Variants in SCARF1 observed in about 807,000 individuals in gnomAD.
SCARF1 encodes scavenger receptor class F member 1.
A neutral mutation model predicts 76.3 loss-of-function variants in SCARF1; 49 were observed. That is an observed-to-expected ratio of 0.64 (90% confidence interval 0.51 to 0.81). The LOEUF is 0.81. Ranked by LOEUF, SCARF1 falls within the 40% of genes least tolerant of loss-of-function variation. SCARF1 has a pLI of 0.00. For synonymous variants in SCARF1, 495 were observed against 474.6 expected, an observed-to-expected ratio of 1.04 and a Z score of -0.56; for missense variants, 1,098 against 1,143.9, an observed-to-expected ratio of 0.96 and a Z score of 0.58.
At chr17:1,635,769 C>A in intron 10 of SCARF1, 152 bp from the exon 11 acceptor site, 3 of 806,190 alleles carry the variant, frequency 3.7e-6, no homozygotes, top group Non-Finnish European at 5.6e-6. Context: ...TTCAGGTAGA[C>A]ACTGTTACTT....
chr17:1,642,216 G>A (rs186669865), intron 4 of SCARF1, among the ~76,000 whole-genome samples: 1,961 of 150,906 alleles, frequency 0.013, 24 homozygotes, highest in Non-Finnish European at 0.022. Context: ...TAAGTTTTAG[G>A]GTACATGTGC....
In SCARF1 at chr17:1,643,637, GA is replaced by G; in HGVS notation, c.595del (p.Ser199ProfsTer168). On this transcript the variant is annotated frameshift_variant, in exon 4 of 11. Coordinates refer to ENST00000263071, the MANE Select transcript of SCARF1 (RefSeq NM_003693.4). LOFTEE classifies it high-confidence loss of function. ...GCGGCCGGAGTCCTGCTCGCACGGG[GA>G]GCCGTGGCAGTTGCAGCGGAAGCTG... is the stretch of plus-strand genomic sequence containing the variant. ...RCSFRCNCHG[S>X]PCEQDSGRCA... 1 of 1,472,934 alleles carries G rather than the reference GA, an allele frequency of 6.8e-7. No individual in the cohort carries two copies. The highest frequency in any genetic ancestry group is 2.4e-5 in the Admixed American group (1 of 41,832). The allele number at this position is 1,472,934 out of a possible 1,614,324, so 91.2% of individuals were successfully genotyped here. A position where few individuals can be genotyped will look rare whatever the true frequency, so the allele number is the denominator to read the frequency against.
In SCARF1 at chr17:1,644,516, T is replaced by G; in HGVS notation, c.265+318A>C. 10 of 434,532 alleles carry G rather than the reference T, an allele frequency of 2.3e-5. No individual in the cohort carries two copies. Among genetic ancestry groups the G allele is most frequent in the Non-Finnish European group, 2.9e-5 (7 of 239,888 alleles). 26.9% of individuals were successfully genotyped at this position (434,532 alleles called of 1,614,324 possible). A position where few individuals can be genotyped will look rare whatever the true frequency, so the allele number is the denominator to read the frequency against. On this transcript the variant is annotated intron_variant, in intron 3 of 10. Transcript: ENST00000263071. The surrounding 1 kb of genome is among the most constrained non-coding windows in gnomAD (Gnocchi z 4.8). ...GGGGCCCCCTTCCATCCACTGCCCATGTATAAGGTATATGTGGGAAAGGCA... is the reference window on the plus strand; with the variant it reads ...GGGGCCCCCTTCCATCCACTGCCCAGGTATAAGGTATATGTGGGAAAGGCA...
chr17:1,637,474 C>G (rs1420937292), intron 8 of SCARF1, among the ~76,000 whole-genome samples: 1 of 151,970 alleles, frequency 6.6e-6, no homozygotes, highest in East Asian at 1.9e-4. Flanking sequence ...CTCTCTCTCT[C>G]TCTCTCTCTA....
In SCARF1 at chr17:1,635,345, TG is replaced by T; in HGVS notation, c.1905del (p.Thr636GlnfsTer53). The part of the protein sequence containing the change: ...SGPEGREAEE[S>X]TGPEEAEAPE... ...GGGGCTTCTGCTTCCTCTGGGCCTG[TG>T]GACTCTTCGGCTTCCCGGCCCTCAG... On this transcript the variant is annotated frameshift_variant, in exon 11 of 11. Transcript: ENST00000263071. LOFTEE classifies it low-confidence loss of function (END_TRUNC). 6.2e-7 allele frequency: 1 copy of T among 1,613,260 alleles called. No individual in the cohort carries two copies. The highest frequency in any genetic ancestry group is 8.5e-7 in the Non-Finnish European group (1 of 1,179,588).
chr17:1,636,819 C>T lies in SCARF1; in HGVS notation c.1523G>A (p.Ser508Asn). 6.2e-7 allele frequency: 1 copy of T among 1,613,962 alleles called. No homozygotes were observed. Among genetic ancestry groups the T allele is most frequent in the Non-Finnish European group, 8.5e-7 (1 of 1,179,988 alleles). The part of the protein sequence containing the change: ...HHDPEVPFNH[S>N]FIEPPSAGWA... ...GCCGGCAGAGGGCGGCTCGATGAAG[C>T]TGTGGTTGAAGGGGACCTCCGGGTC... Residue 508 changes from serine (S) to asparagine (N), a missense_variant, in exon 10 of 11, where the codon AGC (serine) becomes AAC (asparagine). Physicochemically the swap from Ser to Asn is conservative, Grantham distance 46 (BLOSUM62 1). Transcript: ENST00000263071.
In SCARF1 at chr17:1,637,056, C is replaced by T. The variant is rs761250613; in HGVS notation, c.1371G>A (p.Ala457=). The T allele has an allele frequency of 6.2e-6, 10 of 1,613,906 alleles. No homozygotes were observed. Among genetic ancestry groups the T allele is most frequent in the South Asian group, 3.3e-5 (3 of 91,070 alleles). ...TCCTGGACACGGTAGCTCCATCTCT[C>T]GCTGGCCTGAGGGAGGAGGGTAGGG... ...APRSDLKDRP[A]RDGATVSRMK... is the part of the protein sequence containing the mutation. Residue 457 remains alanine (A), a synonymous_variant, in exon 9 of 11, where the codon GCG becomes GCA. Transcript: ENST00000263071.
chr17:1,635,067 G>C lies in SCARF1; in HGVS notation c.2184C>G (p.Ile728Met), dbSNP rs777343516. The change falls in exon 11 of 11, where the codon ATC becomes ATG. Residue 728 changes from isoleucine to methionine, a missense_variant. Transcript: ENST00000263071. ...TCAGGGCCTGGCGCGGAGGCTTAGGGATGGCCCTCTTGACCTTGGCTTCCG... is the reference window on the plus strand; with the variant it reads ...TCAGGGCCTGGCGCGGAGGCTTAGGCATGGCCCTCTTGACCTTGGCTTCCG... Reference protein sequence around the residue: ...GQAEAKVKRAIPKPPRQALNR... With the variant: ...GQAEAKVKRAMPKPPRQALNR... The C allele has an allele frequency of 5.0e-6, 8 of 1,613,888 alleles. No homozygotes were observed. Among genetic ancestry groups the C allele is most frequent in the Non-Finnish European group, 6.8e-6 (8 of 1,179,980 alleles).
At chr17:1,636,602 AC>A in intron 10 of SCARF1, 106 bp downstream of exon 10, 2 of 1,299,006 alleles carry the variant, frequency 1.5e-6, no homozygotes, top group East Asian at 2.5e-5. Context: ...ACAGAGCAAG[AC>A]CCAGTCTCAA....
rs368498680 is a variant in SCARF1, at chr17:1,645,722, C to T, written c.-25G>A. The T allele has an allele frequency of 7.5e-5, 118 of 1,571,842 alleles. No homozygotes were observed. In the East Asian group the frequency reaches 1.4e-3, roughly 19 times the overall value. On this transcript the variant is annotated 5_prime_UTR_variant, in exon 1 of 11. Coordinates refer to ENST00000263071, the MANE Select transcript of SCARF1 (RefSeq NM_003693.4). This position sits in a 1 kb window ranked among gnomAD's most constrained non-coding sequence, Gnocchi z 6.3. The stretch of plus-strand genomic sequence containing the variant: ...TGGCAGGCAGCTCGGTGGGAGCGCT[C>T]GGGTTCGTCTGGCCCCCACAGCTCC...
chr17:1,639,665 T>TCCCTCTG lies in SCARF1; in HGVS notation c.1216_1217insCAGAGGG (p.His406ProfsTer117). The TCCCTCTG allele has an allele frequency of 6.3e-7, 1 of 1,575,706 alleles. No individual in the cohort carries two copies. The highest frequency in any genetic ancestry group is 1.9e-5 in the Admixed American group (1 of 52,532). The stretch of plus-strand genomic sequence containing the variant: ...TGGCTGGCAGGACCCAGAGACAGGG[T>TCCCTCTG]GGCAGAGTCCCTCTGGGCATTCACA... On this transcript the variant is annotated frameshift_variant, in exon 7 of 11. Coordinates refer to ENST00000263071, the MANE Select transcript of SCARF1 (RefSeq NM_003693.4). LOFTEE classifies it high-confidence loss of function.
chr17:1,643,936 G>T lies in SCARF1; in HGVS notation c.297C>A (p.Cys99Ter). ...GCGGGTGGCAGGGGCAGCTCTCACG[G>T]CAGTCGGGGCCCCAGTACTGGCCCG... ...RCPGQYWGPD[C>*]RESCPCHPHG... is the part of the protein sequence containing the mutation. Residue 99 changes from cysteine to a stop codon, truncating the protein, a stop_gained, in exon 4 of 11, where the codon TGC becomes TGA. Transcript: ENST00000263071. LOFTEE classifies it high-confidence loss of function. The T allele has an allele frequency of 7.4e-7, 1 of 1,352,792 alleles. No individual in the cohort carries two copies. 83.8% of individuals were successfully genotyped at this position (1,352,792 alleles called of 1,614,324 possible).
Position 1,636,795 on chromosome 17 carries a change from C to G in SCARF1, c.1547G>C (p.Gly516Ala). ...NHSFIEPPSA[G>A]WATDDSFSSD... ...TGAGAAGGAGTCATCAGTGGCCCAG[C>G]CGGCAGAGGGCGGCTCGATGAAGCT... The change falls in exon 10 of 11, where the codon GGC (glycine) becomes GCC (alanine). Residue 516 changes from glycine (G) to alanine (A), a missense_variant. By Grantham distance (60) the Gly-to-Ala change is moderately conservative (BLOSUM62 0). Coordinates refer to ENST00000263071, the MANE Select transcript of SCARF1 (RefSeq NM_003693.4). 1 of 1,613,964 alleles carries G rather than the reference C, an allele frequency of 6.2e-7. No individual in the cohort carries two copies. Among genetic ancestry groups the G allele is most frequent in the East Asian group, 2.2e-5 (1 of 44,876 alleles).
At position 1,634,867 on chromosome 17, in the gene SCARF1, G is replaced by A. The variant is rs1321746147; in HGVS notation, c.2384C>T (p.Ser795Phe). 7 of 1,613,908 alleles carry A rather than the reference G, an allele frequency of 4.3e-6. No homozygotes were observed. Among genetic ancestry groups the A allele is most frequent in the Middle Eastern group, 1.6e-4 (1 of 6,084 alleles). Reference protein sequence around the residue: ...ESSRRAQEPVSGCGSPEQDPQ... With the variant: ...ESSRRAQEPVFGCGSPEQDPQ... ...ATCCTGTTCTGGGGAGCCACAGCCAGAGACTGGCTCCTGGGCTCTCCTTGA... is the reference window on the plus strand; with the variant it reads ...ATCCTGTTCTGGGGAGCCACAGCCAAAGACTGGCTCCTGGGCTCTCCTTGA... Residue 795 changes from serine to phenylalanine, a missense_variant, in exon 11 of 11, where the codon TCT (serine) becomes TTT (phenylalanine). Physicochemically the swap from Ser to Phe is radical, Grantham distance 155 (BLOSUM62 -2). Transcript: ENST00000263071.
chr17:1,638,841 GC>G lies in SCARF1; in HGVS notation c.1328del (p.Cys443SerfsTer24). On this transcript the variant is annotated frameshift_variant, in exon 8 of 11. Coordinates refer to ENST00000263071, the MANE Select transcript of SCARF1 (RefSeq NM_003693.4). LOFTEE classifies it high-confidence loss of function. ...LLFLGLACCACCCWAPRSDLK... is the reference protein window; with the variant it reads ...LLFLGLACCAXCCWAPRSDLK... ...GGTCTGATCGGGGGGCCCAGCAGCA[GC>G]AGGCACAGCAGGCAAGGCCCAGGAA... The G allele has an allele frequency of 6.2e-7, 1 of 1,610,530 alleles. No individual in the cohort carries two copies. The highest frequency in any genetic ancestry group is 8.5e-7 in the Non-Finnish European group (1 of 1,178,166).
rs1353742664 is a variant in SCARF1 at position 1,640,719 on chromosome 17, C to T, written c.792-53G>A. On this transcript the variant is annotated intron_variant, in intron 4 of 10. Coordinates refer to ENST00000263071, the MANE Select transcript of SCARF1 (RefSeq NM_003693.4). This position sits in a 1 kb window ranked among gnomAD's most constrained non-coding sequence, Gnocchi z 4.7. ...AGTGGGGGTGGATGGATGGAGCGCC[C>T]ACCCCCTCCTACCCCTGTACTCCAC... 5 of 1,533,530 alleles carry T rather than the reference C, an allele frequency of 3.3e-6. No homozygotes were observed. Among genetic ancestry groups the T allele is most frequent in the Non-Finnish European group, 4.5e-6 (5 of 1,122,068 alleles). 95.0% of individuals were successfully genotyped at this position (1,533,530 alleles called of 1,614,324 possible). A position where few individuals can be genotyped will look rare whatever the true frequency, so the allele number is the denominator to read the frequency against.
Position 1,636,996 on chromosome 17 carries a change from C to T in SCARF1, c.1431G>A (p.Leu477=). 6.2e-7 allele frequency: 1 copy of T among 1,613,988 alleles called. No homozygotes were observed. Among genetic ancestry groups the T allele is most frequent in the South Asian group, 1.1e-5 (1 of 91,072 alleles). The change falls in exon 9 of 11, where the codon TTG becomes TTA. Residue 477 remains leucine, a synonymous_variant. Transcript: ENST00000263071. ...KLQVWGTLTS[L]GSTLPCRSLS... is the part of the protein sequence containing the mutation. ...GGGAACGGCAGGGCAGCGTGGAGCC[C>T]AAGCTGGTCAGTGTCCCCCAGACCT... is the stretch of plus-strand genomic sequence containing the variant.
chr17:1,640,539 C>T lies in SCARF1; in HGVS notation c.919G>A (p.Glu307Lys), dbSNP rs76234762. ...CLPGTFGESC[E>K]QQCPHCRHGE... is the part of the protein sequence containing the mutation. ...TGTCGGCAGTGAGGGCACTGCTGTTCGCAGCTCTCGCCAAAGGTGCCAGGC... is the reference window on the plus strand; with the variant it reads ...TGTCGGCAGTGAGGGCACTGCTGTTTGCAGCTCTCGCCAAAGGTGCCAGGC... Residue 307 changes from glutamate to lysine, a missense_variant, in exon 5 of 11, where the codon GAA becomes AAA. Glu to Lys is a moderately conservative substitution (Grantham distance 56). Transcript: ENST00000263071. The surrounding 1 kb of genome is among the most constrained non-coding windows in gnomAD (Gnocchi z 4.7). 175 of 1,603,332 alleles carry T rather than the reference C, an allele frequency of 1.1e-4. No homozygotes were observed. The African/African-American group carries it at 1.7e-3, about 15-fold the overall frequency.
intron 8 of SCARF1, 200 bp downstream of exon 8, chr17:1,638,606 C>T (rs971382326): frequency 5.7e-6 from 3 of 527,094 alleles, no homozygotes; most frequent in Non-Finnish European, 9.3e-6. Flanking sequence ...CTCTGACCTA[C>T]GTGGGCGACA....
Sources: gnomAD v4.1 joint callset for allele counts (sites outside exome capture counted in the v4.1 genomes callset) on GRCh38, gnomAD v4.1.1 for gene constraint, Gnocchi (gnomAD v3.1) non-coding constraint, MANE v1.5 for transcripts, NCBI Gene and HGNC (gene_info 2026-07-23, HGNC 2026-07-21) for gene names.